The following CACNA1D variants were observed in gnomAD, a reference collection of about 807,000 sequenced individuals.
The protein encoded by CACNA1D is voltage-dependent L-type calcium channel subunit alpha-1D.
A neutral mutation model predicts 257.1 loss-of-function variants in CACNA1D; 55 were observed. The ratio of observed to expected loss-of-function variants is 0.21; its 90% CI spans 0.17 to 0.27. CACNA1D has a LOEUF of 0.27. Among genes scored for constraint, CACNA1D ranks in the 10% least tolerant of loss-of-function variants. The probability of loss-of-function intolerance (pLI) is 1.00; values close to 1 mark genes in which losing one functional copy is unlikely to be tolerated. For missense variants in CACNA1D, 1,876 were observed against 2,784.0 expected (o/e 0.67, Z 7.34); for synonymous variants, 980 against 1,014.9 (o/e 0.97, Z 0.65).
At chr3:53,694,481 G>A (rs1006043683) in intron 8 of CACNA1D, among the ~76,000 whole-genome samples, 3 of 152,168 alleles carry the variant, frequency 2.0e-5, no homozygotes, top group African/African-American at 2.4e-5. Context: ...ACAGCCCCAC[G>A]GAAGGGACGT....
intron 42 of CACNA1D, 115 bp downstream of exon 42, chr3:53,801,540 C>A: frequency 7.4e-7 from 1 of 1,358,626 alleles, no homozygotes. Context: ...GGAGGTTCCC[C>A]GTAGGCATTT....
chr3:53,747,528 A>G (rs1272369696), intron 26 of CACNA1D, 80 bp downstream of exon 26: 1 of 1,423,610 alleles, frequency 7.0e-7, no homozygotes, highest in African/African-American at 1.4e-5. Context: ...AGTCAGTCCC[A>G]TTTCTGTTCT....
intron 3 of CACNA1D, among the ~76,000 whole-genome samples, chr3:53,525,893 A>G (rs2091745165): frequency 6.6e-6 from 1 of 152,186 alleles, no homozygotes. Flanking sequence ...GATAAACTGG[A>G]GTCAGCTCAG....
rs377132134 is a variant in CACNA1D, at chr3:53,713,543, T to TGTGTGTGAGA, written c.1391-4757_1391-4756insTGTGTGAGAG. On this transcript the variant is annotated intron_variant, in intron 9 of 47. Coordinates refer to ENST00000350061, the MANE Select transcript of CACNA1D (RefSeq NM_001128840.3). ...GTGTGTGTGTGTGTGTGTGTGTGTG[T>TGTGTGTGAGA]GAGAGATTTGCCTCCAAATTCACAA... Among the ~76,000 whole-genome samples, 844 of 120,996 alleles carry TGTGTGTGAGA rather than the reference T, an allele frequency of 7.0e-3. 7 individuals are homozygous for TGTGTGTGAGA. The highest frequency in any genetic ancestry group is 0.022 in the African/African-American group (739 of 33,020). 79.4% of individuals were successfully genotyped at this position (120,996 alleles called of 152,430 possible).
At chr3:53,799,236 C>T (rs1449466443) in intron 40 of CACNA1D, among the ~76,000 whole-genome samples, 1 of 152,164 alleles carries the variant, frequency 6.6e-6, no homozygotes, top group Non-Finnish European at 1.5e-5. Context: ...CCATACAGTC[C>T]CTATTAGTCT....
At chr3:53,740,494 G>A in intron 21 of CACNA1D, 155 bp downstream of exon 21, 1 of 687,864 alleles carries the variant, frequency 1.5e-6, no homozygotes, top group Non-Finnish European at 2.7e-6. Context: ...AGGTTACCCG[G>A]CAGTGTGTTT....
chr3:53,610,273 G>A (rs1224808343), intron 3 of CACNA1D, among the ~76,000 whole-genome samples: 1 of 152,132 alleles, frequency 6.6e-6, no homozygotes, highest in Non-Finnish European at 1.5e-5. Context: ...GATTGATAGT[G>A]CTATTCTTTT....
chr3:53,618,949 G>C (rs1381548478), intron 3 of CACNA1D, among the ~76,000 whole-genome samples: 1 of 152,142 alleles, frequency 6.6e-6, no homozygotes, highest in Non-Finnish European at 1.5e-5. Context: ...TTAGGTCCTA[G>C]GGTTTTGTGG....
At chr3:53,746,313 C>G (rs1559614739) in intron 25 of CACNA1D, among the ~76,000 whole-genome samples, 1 of 152,148 alleles carries the variant, frequency 6.6e-6, no homozygotes. Flanking sequence ...TGGGAACTGG[C>G]TCCCTCTTCT....
At chr3:53,540,418 G>A (rs559971894) in intron 3 of CACNA1D, among the ~76,000 whole-genome samples, 2 of 151,794 alleles carry the variant, frequency 1.3e-5, no homozygotes, top group South Asian at 2.1e-4. Flanking sequence ...GAGCCACCAC[G>A]CCTGGCCACA....
At chr3:53,710,935 T>C (rs2094747818) in intron 9 of CACNA1D, among the ~76,000 whole-genome samples, 1 of 152,168 alleles carries the variant, frequency 6.6e-6, no homozygotes, top group South Asian at 2.1e-4. Flanking sequence ...AGTGGCAGCT[T>C]TAAGAATGAA....
At chr3:53,595,789 C>T (rs776779084) in intron 3 of CACNA1D, among the ~76,000 whole-genome samples, 2 of 152,158 alleles carry the variant, frequency 1.3e-5, no homozygotes, top group Non-Finnish European at 2.9e-5. Context: ...GGTTCCTACC[C>T]TCGATGAGTT....
At chr3:53,739,914 C>T (rs1310244153) in intron 20 of CACNA1D, among the ~76,000 whole-genome samples, 2 of 152,214 alleles carry the variant, frequency 1.3e-5, no homozygotes, top group Admixed American at 6.5e-5. Flanking sequence ...GGTTAAAAAT[C>T]GAAAATGTGT....
rs2095534960 is a variant in CACNA1D at position 53,801,374 on chromosome 3, A to C, written c.5357A>C (p.His1786Pro). 5 of 1,614,174 alleles carry C rather than the reference A, an allele frequency of 3.1e-6. No individual in the cohort carries two copies. Among genetic ancestry groups the C allele is most frequent in the Non-Finnish European group, 3.4e-6 (4 of 1,180,026 alleles). The change falls in exon 42 of 48, where the codon CAT (histidine) becomes CCT (proline). Residue 1786 changes from histidine (H) to proline (P), a missense_variant. Coordinates refer to ENST00000350061, the MANE Select transcript of CACNA1D (RefSeq NM_001128840.3). ...GAGCATGTGTCTGAAAATGGGCATC[A>C]TTCTTCCCACAAGCATGACCGGGAG... ...NLEHVSENGH[H>P]SSHKHDREPQ...
chr3:53,591,830 G>A (rs1057131147), intron 3 of CACNA1D, among the ~76,000 whole-genome samples: 12 of 152,246 alleles, frequency 7.9e-5, no homozygotes, highest in East Asian at 1.9e-4. Flanking sequence ...TTTGGTGTCC[G>A]TTTATTTTTG....
In CACNA1D at chr3:53,504,637, TAGC is replaced by T. The variant is rs2090750218; in HGVS notation, c.483+2920_483+2922del. 2.0e-5 allele frequency among the ~76,000 whole-genome samples: 3 copies of T among 152,126 alleles called. No homozygotes were observed. In the South Asian group the frequency reaches 6.2e-4, roughly 32 times the overall value. ...GTAATAGCCCTCCTAGTTCAGTCAATAGCAGTATTTCCTCAGTTCCACTTACTG... is the reference window on the plus strand; with the variant it reads ...GTAATAGCCCTCCTAGTTCAGTCAATAGTATTTCCTCAGTTCCACTTACTG... On this transcript the variant is annotated intron_variant, in intron 3 of 47. Transcript: ENST00000350061.
chr3:53,508,533 G>T (rs2090960909), intron 3 of CACNA1D, among the ~76,000 whole-genome samples: 1 of 152,148 alleles, frequency 6.6e-6, no homozygotes, highest in African/African-American at 2.4e-5. Context: ...GTGTTCGTAA[G>T]TTCTTATCAT....
chr3:53,513,440 G>A (rs1005227619), intron 3 of CACNA1D, among the ~76,000 whole-genome samples: 8 of 152,084 alleles, frequency 5.3e-5, no homozygotes, highest in African/African-American at 1.4e-4. Flanking sequence ...TCAGGAGTTC[G>A]AGACCAGCTG....
chr3:53,517,174 G>A (rs2091371023), intron 3 of CACNA1D, among the ~76,000 whole-genome samples: 1 of 152,108 alleles, frequency 6.6e-6, no homozygotes, highest in African/African-American at 2.4e-5. Context: ...TCGAGGAGAG[G>A]ACTTGGCTTC....
Sources: gnomAD v4.1 joint callset for allele counts (sites outside exome capture counted in the v4.1 genomes callset) on GRCh38, gnomAD v4.1.1 for gene constraint, MANE v1.5 for transcripts, NCBI Gene and HGNC (gene_info 2026-07-23, HGNC 2026-07-21) for gene names.